ACOXL: variants seen among roughly 807,000 people sequenced by gnomAD.
ACOXL encodes the protein acyl-CoA oxidase like.
In ACOXL, 70 loss-of-function variants were observed where a neutral mutation model predicts 71.9. The ratio of observed to expected loss-of-function variants is 0.97; its 90% CI spans 0.80 to 1.19. The LOEUF (loss-of-function observed/expected upper bound fraction) is 1.19, where lower values mean the gene tolerates loss of function less well. ACOXL is among the 50% of genes most tolerant of loss of function. ACOXL has a pLI of 0.00. For synonymous variants in ACOXL, 253 were observed against 281.6 expected (o/e 0.90, Z 1.02); for missense variants, 703 against 736.3 (o/e 0.95, Z 0.52).
At chr2:111,024,243 C>T (rs185216510) in intron 14 of ACOXL, among the ~76,000 whole-genome samples, 1 of 152,170 alleles carries the variant, frequency 6.6e-6, no homozygotes, top group East Asian at 1.9e-4. Context: ...AAGATATGTT[C>T]AAGTCCTAAC....
At chr2:110,824,031 A>T (rs113481681) in intron 9 of ACOXL, among the ~76,000 whole-genome samples, 1 of 152,168 alleles carries the variant, frequency 6.6e-6, no homozygotes, top group African/African-American at 2.4e-5. Flanking sequence ...CTAAAAATTC[A>T]TCACAAACCC....
intron 10 of ACOXL, among the ~76,000 whole-genome samples, chr2:110,881,170 T>C (rs1178505473): frequency 6.6e-6 from 1 of 151,694 alleles, no homozygotes; most frequent in Non-Finnish European, 1.5e-5. Flanking sequence ...TGTGTATATA[T>C]ACACACATAT....
chr2:110,734,994 G>A (rs1217828077), intron 1 of ACOXL, among the ~76,000 whole-genome samples: 1 of 152,196 alleles, frequency 6.6e-6, no homozygotes, highest in African/African-American at 2.4e-5. Flanking sequence ...AACACTGGTT[G>A]TGGTGGGATA....
intron 12 of ACOXL, among the ~76,000 whole-genome samples, chr2:110,966,528 G>C (rs1167990319): frequency 6.6e-6 from 1 of 152,238 alleles, no homozygotes; most frequent in Non-Finnish European, 1.5e-5. Flanking sequence ...GTAGCGTGCA[G>C]CAGAGCCAGT....
chr2:110,977,727 G>A (rs1228216399), intron 12 of ACOXL, among the ~76,000 whole-genome samples: 1 of 152,160 alleles, frequency 6.6e-6, no homozygotes, highest in Non-Finnish European at 1.5e-5. Context: ...TCTGGATCAG[G>A]GGCCTTTGCT....
At chr2:110,927,878 C>T (rs1221334784) in intron 11 of ACOXL, among the ~76,000 whole-genome samples, 1 of 152,168 alleles carries the variant, frequency 6.6e-6, no homozygotes, top group Non-Finnish European at 1.5e-5. Flanking sequence ...CTGAAGGGTC[C>T]ATGAGGTAGC....
At chr2:110,798,514 C>G (rs557634379) in intron 5 of ACOXL, 96 bp from the exon 6 acceptor site, 10 of 1,001,730 alleles carry the variant, frequency 1.0e-5, no homozygotes, top group Admixed American at 7.0e-5. Context: ...CCTCGGCCCC[C>G]CAAAGTGCTG....
chr2:110,946,904 C>G (rs1011169131), intron 12 of ACOXL, among the ~76,000 whole-genome samples: 1 of 152,174 alleles, frequency 6.6e-6, no homozygotes, highest in Admixed American at 6.5e-5. Context: ...GGTTAAATTA[C>G]TCACCCCAGT....
intron 16 of ACOXL, among the ~76,000 whole-genome samples, chr2:111,086,499 T>TCTGCATCTACTG (rs2068215153): frequency 6.6e-6 from 1 of 151,944 alleles, no homozygotes; most frequent in Non-Finnish European, 1.5e-5. Context: ...TGAAATTCGA[T>TCTGCATCTACTG]AGATAGATGT....
At chr2:111,064,414 C>T (rs1342209663) in intron 16 of ACOXL, among the ~76,000 whole-genome samples, 3 of 126,100 alleles carry the variant, frequency 2.4e-5, no homozygotes, top group African/African-American at 6.2e-5. Flanking sequence ...CCGGACTGGG[C>T]GAAAGAGCGA....
intron 10 of ACOXL, among the ~76,000 whole-genome samples, chr2:110,852,563 A>G (rs943759203): frequency 1.3e-5 from 2 of 152,170 alleles, no homozygotes; most frequent in Admixed American, 6.5e-5. Flanking sequence ...TTTTTGCTGT[A>G]TGAATCACAT....
intron 11 of ACOXL, among the ~76,000 whole-genome samples, chr2:110,932,059 G>A (rs1366215221): frequency 2.0e-5 from 3 of 152,160 alleles, no homozygotes; most frequent in African/African-American, 7.2e-5. Context: ...AAATGAATGC[G>A]GTGAGTACAT....
chr2:111,023,360 G>A (rs112734957), intron 14 of ACOXL, among the ~76,000 whole-genome samples: 1 of 152,166 alleles, frequency 6.6e-6, no homozygotes, highest in African/African-American at 2.4e-5. Context: ...CTCAGAAGGT[G>A]GAAGCAGAAA....
At chr2:110,839,330 G>C (rs932643491) in intron 9 of ACOXL, among the ~76,000 whole-genome samples, 1 of 152,160 alleles carries the variant, frequency 6.6e-6, no homozygotes, top group African/African-American at 2.4e-5. Flanking sequence ...AAGTTATCCG[G>C]CATGTGAAAT....
At chr2:111,039,337 A>G (rs559009288) in intron 15 of ACOXL, among the ~76,000 whole-genome samples, 1 of 152,090 alleles carries the variant, frequency 6.6e-6, no homozygotes, top group South Asian at 2.1e-4. Context: ...ATGAGATTTT[A>G]TTTGCAGAGA....
intron 16 of ACOXL, among the ~76,000 whole-genome samples, chr2:111,090,546 G>T (rs563245347): frequency 6.6e-6 from 1 of 152,256 alleles, no homozygotes; most frequent in South Asian, 2.1e-4. Flanking sequence ...AGCCAAAAAC[G>T]TGGCCCTGAG....
At chr2:111,029,743 G>A (rs1209955934) in intron 14 of ACOXL, among the ~76,000 whole-genome samples, 1 of 152,212 alleles carries the variant, frequency 6.6e-6, no homozygotes, top group Non-Finnish European at 1.5e-5. Flanking sequence ...AGGTTACACT[G>A]AGCCTGCTCC....
chr2:110,759,837 A>G lies in ACOXL; in HGVS notation c.-22-8531A>G, dbSNP rs187609179. Among the ~76,000 whole-genome samples the G allele has an allele frequency of 6.0e-4, 91 of 152,280 alleles. 1 individual carries two copies. Among genetic ancestry groups the G allele is most frequent in the East Asian group, 9.6e-4 (5 of 5,192 alleles). ...TCTTCTATTAATAAACATGGCACAC[A>G]TTTCTATTTGTCCAAGTCTTCTCTT... On this transcript the variant is annotated intron_variant, in intron 1 of 17. Coordinates refer to ENST00000439055, the MANE Select transcript of ACOXL (RefSeq NM_001142807.4).
rs148789081 is a variant in ACOXL, at chr2:110,833,634, C to T, written c.754-7737C>T. ...CCATATAATTTCTTAGACCTGCATGCGAATCTACAATTATCTCAAAATAAA... is the reference window on the plus strand; with the variant it reads ...CCATATAATTTCTTAGACCTGCATGTGAATCTACAATTATCTCAAAATAAA... On this transcript the variant is annotated intron_variant, in intron 9 of 17. Transcript: ENST00000439055. Among the ~76,000 whole-genome samples the T allele has an allele frequency of 5.4e-4, 82 of 152,184 alleles. 1 individual carries two copies. The highest frequency in any genetic ancestry group is 9.7e-4 in the Non-Finnish European group (66 of 68,008).
Sources: gnomAD v4.1 joint callset for allele counts (sites outside exome capture counted in the v4.1 genomes callset) on GRCh38, gnomAD v4.1.1 for gene constraint, MANE v1.5 for transcripts, NCBI Gene and HGNC (gene_info 2026-07-23, HGNC 2026-07-21) for gene names.